TMEM178B: variants seen among roughly 807,000 people sequenced by gnomAD.
TMEM178B encodes the protein transmembrane protein 178B.
A neutral mutation model predicts 31.0 loss-of-function variants in TMEM178B; 5 were observed. That is an observed-to-expected ratio of 0.16 (90% CI 0.08 to 0.34). The LOEUF is 0.34. Ranked by LOEUF, TMEM178B falls within the 10% of genes least tolerant of loss-of-function variation. The probability of loss-of-function intolerance (pLI) is 1.00; values close to 1 mark genes in which losing one functional copy is unlikely to be tolerated. For missense variants in TMEM178B, 275 were observed against 400.3 expected, an observed-to-expected ratio of 0.69 and a Z score of 2.67; for synonymous variants, 164 against 164.0, an observed-to-expected ratio of 1.00 and a Z score of 0.00.
chr7:141,468,989 C>A (rs1214404919), intron 3 of TMEM178B, among the ~76,000 whole-genome samples: 1 of 152,166 alleles, frequency 6.6e-6, no homozygotes, highest in East Asian at 1.9e-4. Flanking sequence ...TTCTACCTGG[C>A]GGGCACCATC....
intron 2 of TMEM178B, among the ~76,000 whole-genome samples, chr7:141,418,974 C>T (rs1009981103): frequency 1.3e-5 from 2 of 152,156 alleles, no homozygotes; most frequent in African/African-American, 2.4e-5. Context: ...GTAGCACAAT[C>T]CTGGCTCACT....
At chr7:141,265,287 G>A (rs1371884783) in intron 2 of TMEM178B, among the ~76,000 whole-genome samples, 1 of 152,176 alleles carries the variant, frequency 6.6e-6, no homozygotes, top group Non-Finnish European at 1.5e-5. Flanking sequence ...AGTGGTGAAA[G>A]GCTTTGAATG....
intron 2 of TMEM178B, among the ~76,000 whole-genome samples, chr7:141,220,667 C>A (rs1001180455): frequency 5.9e-5 from 9 of 152,150 alleles, no homozygotes; most frequent in African/African-American, 2.2e-4. Flanking sequence ...TGTGAACGCA[C>A]AGGTCCAATT....
chr7:141,236,199 G>GGAGA (rs1330293371), intron 2 of TMEM178B, among the ~76,000 whole-genome samples: 1 of 152,184 alleles, frequency 6.6e-6, no homozygotes, highest in Non-Finnish European at 1.5e-5. Context: ...TCTCAGAGAG[G>GGAGA]GTTTGTATTG....
chr7:141,487,391 G>A, the TMEM178B span, among the ~76,000 whole-genome samples: 1 of 151,878 alleles, frequency 6.6e-6, no homozygotes, highest in African/African-American at 2.4e-5. Flanking sequence ...CTCCATCCGC[G>A]ACAATGGAAT....
At chr7:141,251,695 A>T (rs1797836323) in intron 2 of TMEM178B, among the ~76,000 whole-genome samples, 1 of 152,158 alleles carries the variant, frequency 6.6e-6, no homozygotes, top group Non-Finnish European at 1.5e-5. Flanking sequence ...GGTATACTTT[A>T]TCCACCCCGC....
chr7:141,266,085 C>A (rs2116369688), intron 2 of TMEM178B, among the ~76,000 whole-genome samples: 1 of 152,316 alleles, frequency 6.6e-6, no homozygotes, highest in African/African-American at 2.4e-5. Flanking sequence ...CATCAGAGAC[C>A]TTAACTCAGA....
chr7:141,464,444 C>T (rs1042630712), intron 3 of TMEM178B, among the ~76,000 whole-genome samples: 7 of 152,182 alleles, frequency 4.6e-5, no homozygotes, highest in African/African-American at 1.7e-4. Flanking sequence ...AAACTCAGGT[C>T]TCTTCACCCT....
chr7:141,310,236 GA>G (rs1175659456), intron 2 of TMEM178B, among the ~76,000 whole-genome samples: 1 of 151,726 alleles, frequency 6.6e-6, no homozygotes, highest in Non-Finnish European at 1.5e-5. Context: ...AAATTTACAA[GA>G]AAAAAACAGT....
chr7:141,215,712 A>AT (rs969636832), intron 2 of TMEM178B, among the ~76,000 whole-genome samples: 1 of 151,894 alleles, frequency 6.6e-6, no homozygotes, highest in Non-Finnish European at 1.5e-5. Flanking sequence ...AAGAAATTTG[A>AT]TTTTTTTCCT....
At chr7:141,496,619 G>A in the TMEM178B span, among the ~76,000 whole-genome samples, 1 of 127,246 alleles carries the variant, frequency 7.9e-6, no homozygotes, top group East Asian at 2.3e-4. Flanking sequence ...GCAGTGAGCC[G>A]AGATCCCGCC....
chr7:141,316,812 C>T (rs1012475233), intron 2 of TMEM178B, among the ~76,000 whole-genome samples: 1 of 152,190 alleles, frequency 6.6e-6, no homozygotes, highest in African/African-American at 2.4e-5. Context: ...TCTTAAAACT[C>T]ATTTCTTAAG....
chr7:141,084,584 C>T (rs951678114), intron 1 of TMEM178B, among the ~76,000 whole-genome samples: 8 of 152,034 alleles, frequency 5.3e-5, no homozygotes, highest in African/African-American at 9.7e-5. Flanking sequence ...TGCAGAAAAG[C>T]GGACATGTGA....
At chr7:141,374,831 T>C (rs1800183966) in intron 2 of TMEM178B, among the ~76,000 whole-genome samples, 1 of 152,262 alleles carries the variant, frequency 6.6e-6, no homozygotes, top group Admixed American at 6.5e-5. Flanking sequence ...AGATCATTAC[T>C]GGAGACCTTG....
rs1050125285 is a variant in TMEM178B at position 141,344,613 on chromosome 7, T to C, written c.497-92995T>C. On this transcript the variant is annotated intron_variant, in intron 2 of 3. Transcript: ENST00000565468. The surrounding 1 kb of genome is among the most constrained non-coding windows in gnomAD (Gnocchi z 4.1). ...CTTCCTTCCTTCCTTCCTTCCTTCC[T>C]TCCTTCCTTCCTTCCTCCCTTCCTT... 6.7e-6 allele frequency among the ~76,000 whole-genome samples: 1 copy of C among 149,074 alleles called. No individual in the cohort carries two copies. Among genetic ancestry groups the C allele is most frequent in the African/African-American group, 2.5e-5 (1 of 40,406 alleles).
intron 3 of TMEM178B, among the ~76,000 whole-genome samples, chr7:141,457,664 A>C (rs1801990621): frequency 6.6e-6 from 1 of 152,228 alleles, no homozygotes; most frequent in South Asian, 2.1e-4. Flanking sequence ...CATCAATGGC[A>C]GCTCTATATT....
chr7:141,481,261 G>T (rs969336177), downstream of TMEM178B, among the ~76,000 whole-genome samples: 6 of 152,202 alleles, frequency 3.9e-5, no homozygotes, highest in Non-Finnish European at 5.9e-5. Context: ...AGGAGACTGA[G>T]AAAACAGGTT....
intron 2 of TMEM178B, among the ~76,000 whole-genome samples, chr7:141,406,687 A>G (rs1800892020): frequency 6.6e-6 from 1 of 152,252 alleles, no homozygotes; most frequent in Non-Finnish European, 1.5e-5. Context: ...AATATATCAT[A>G]TTCTAAGTAG....
chr7:141,497,134 C>T, the TMEM178B span, among the ~76,000 whole-genome samples: 1 of 152,148 alleles, frequency 6.6e-6, no homozygotes, highest in South Asian at 2.1e-4. Flanking sequence ...GAGCCCTGCA[C>T]ACACAGGTAG....
Sources: gnomAD v4.1 joint callset for allele counts (sites outside exome capture counted in the v4.1 genomes callset) on GRCh38, gnomAD v4.1.1 for gene constraint, Gnocchi (gnomAD v3.1) non-coding constraint, MANE v1.5 for transcripts, NCBI Gene and HGNC (gene_info 2026-07-23, HGNC 2026-07-21) for gene names.